Variants in PTPRG observed in about 807,000 individuals in gnomAD.
The protein encoded by PTPRG is protein tyrosine phosphatase receptor type G.
PTPRG carries 102 observed loss-of-function variants against 165.3 expected under a neutral mutation model. The observed-to-expected ratio is 0.62, with a 90% confidence interval of 0.53 to 0.73. The LOEUF (loss-of-function observed/expected upper bound fraction) is 0.73, where lower values mean the gene tolerates loss of function less well. PTPRG is among the 30% of genes least tolerant of loss of function. PTPRG has a pLI of 0.00. For missense variants in PTPRG, 1,866 were observed against 1,861.4 expected, an observed-to-expected ratio of 1.00 and a Z score of -0.05; for synonymous variants, 675 against 669.5, an observed-to-expected ratio of 1.01 and a Z score of -0.13.
chr3:61,759,178 T>C (rs1300672567), intron 2 of PTPRG, among the ~76,000 whole-genome samples: 1 of 152,216 alleles, frequency 6.6e-6, no homozygotes, highest in Admixed American at 6.5e-5. Context: ...TTTCTTGCTA[T>C]TAAAACTTAA....
At position 61,974,635 on chromosome 3, in the gene PTPRG, A is replaced by G. The variant is rs114856168; in HGVS notation, c.191-14990A>G. On this transcript the variant is annotated intron_variant, in intron 2 of 29. Transcript: ENST00000474889. Reference sequence around the variant, plus strand: ...TGACTGTCTTTAGGCAACAAAAGCAATTGCTTACTCACTTAATTTCCTTTT... The same window carrying G: ...TGACTGTCTTTAGGCAACAAAAGCAGTTGCTTACTCACTTAATTTCCTTTT... Among the ~76,000 whole-genome samples, 678 of 152,288 alleles carry G rather than the reference A, an allele frequency of 4.5e-3. 4 individuals carry two copies. Among genetic ancestry groups the G allele is most frequent in the African/African-American group, 0.015 (605 of 41,550 alleles).
At chr3:61,862,108 T>C (rs768080347) in intron 2 of PTPRG, among the ~76,000 whole-genome samples, 1 of 152,058 alleles carries the variant, frequency 6.6e-6, no homozygotes, top group Non-Finnish European at 1.5e-5. Flanking sequence ...TCCTGTCATA[T>C]CAGTGGTGGC....
chr3:62,172,988 C>G (rs562638903), intron 8 of PTPRG, among the ~76,000 whole-genome samples: 1 of 152,278 alleles, frequency 6.6e-6, no homozygotes, highest in Admixed American at 6.5e-5. Context: ...CTTTGTTGGC[C>G]ATATGGTCTC....
At chr3:62,082,620 A>G (rs1443661149) in intron 5 of PTPRG, among the ~76,000 whole-genome samples, 1 of 152,212 alleles carries the variant, frequency 6.6e-6, no homozygotes, top group African/African-American at 2.4e-5. Context: ...GTTCACATCA[A>G]CGTGATCTTA....
chr3:61,943,008 T>C (rs1359229065), intron 2 of PTPRG, among the ~76,000 whole-genome samples: 1 of 152,196 alleles, frequency 6.6e-6, no homozygotes, highest in Non-Finnish European at 1.5e-5. Context: ...CAGATCTCCT[T>C]GCCAGGTGCA....
At chr3:62,175,674 G>T (rs564459959) in intron 8 of PTPRG, among the ~76,000 whole-genome samples, 1 of 152,314 alleles carries the variant, frequency 6.6e-6, no homozygotes, top group South Asian at 2.1e-4. Flanking sequence ...TTACATTCTA[G>T]AAAGGAGAAA....
At chr3:61,755,363 G>T (rs976556759) in intron 2 of PTPRG, among the ~76,000 whole-genome samples, 1 of 152,154 alleles carries the variant, frequency 6.6e-6, no homozygotes, top group Non-Finnish European at 1.5e-5. Context: ...AATCAGCCTT[G>T]AGAGTCTTCC....
At chr3:62,167,511 G>A (rs947109630) in intron 7 of PTPRG, among the ~76,000 whole-genome samples, 5 of 152,156 alleles carry the variant, frequency 3.3e-5, no homozygotes, top group African/African-American at 1.2e-4. Context: ...ATTTTATTGA[G>A]GAAAAATGGT....
chr3:62,166,223 TTTTTTTTTTTG>T, intron 7 of PTPRG, among the ~76,000 whole-genome samples: 1 of 136,642 alleles, frequency 7.3e-6, no homozygotes, highest in East Asian at 2.1e-4. Context: ...TTTTTTTTTT[TTTTTTTTTTTG>T]GTGACAAGAA....
At chr3:62,118,466 G>A (rs1702943538) in intron 5 of PTPRG, 8 of 152,200 alleles carry the variant, frequency 5.3e-5, no homozygotes, top group Admixed American at 5.2e-4. Flanking sequence ...AACCAGTTAA[G>A]AGCAAATTCT....
chr3:61,923,903 A>G (rs1044366518), intron 2 of PTPRG, among the ~76,000 whole-genome samples: 41 of 152,010 alleles, frequency 2.7e-4, no homozygotes, highest in African/African-American at 8.9e-4. Context: ...TTAACTGTTA[A>G]TTTTATCAAG....
chr3:61,647,738 G>C (rs1236856225), intron 1 of PTPRG, among the ~76,000 whole-genome samples: 2 of 132,488 alleles, frequency 1.5e-5, no homozygotes, highest in African/African-American at 2.8e-5. Context: ...CTTGCAGTGA[G>C]CTGAGATCAC....
At chr3:61,915,093 G>C (rs1487513245) in intron 2 of PTPRG, among the ~76,000 whole-genome samples, 5 of 152,180 alleles carry the variant, frequency 3.3e-5, no homozygotes, top group Non-Finnish European at 7.3e-5. Context: ...GCCGGGCGTG[G>C]TGGTGCGTGC....
intron 2 of PTPRG, among the ~76,000 whole-genome samples, chr3:61,976,958 G>A (rs2040523220): frequency 1.3e-5 from 2 of 152,022 alleles, no homozygotes; most frequent in Non-Finnish European, 2.9e-5. Context: ...TTACAGGTGT[G>A]AGCCACCGCG....
intron 25 of PTPRG, 64 bp from the exon 26 acceptor site, chr3:62,277,487 T>C (rs1702268666): frequency 9.8e-6 from 15 of 1,534,272 alleles, no homozygotes; most frequent in Non-Finnish European, 1.3e-5. Context: ...GAATATATTT[T>C]ACTACCACAA....
At chr3:62,132,087 C>T (rs1265776573) in intron 5 of PTPRG, among the ~76,000 whole-genome samples, 1 of 152,194 alleles carries the variant, frequency 6.6e-6, no homozygotes, top group East Asian at 1.9e-4. Flanking sequence ...CTTCAAGCTT[C>T]TCTCCCCTCC....
At chr3:62,066,921 C>T (rs1009191981) in intron 4 of PTPRG, among the ~76,000 whole-genome samples, 2 of 151,550 alleles carry the variant, frequency 1.3e-5, no homozygotes, top group Non-Finnish European at 2.9e-5. Flanking sequence ...GCCTGTAATC[C>T]CAGCTACTCA....
Position 61,989,629 on chromosome 3 carries a change from C to G in PTPRG, c.195C>G (p.Ala65=). 6.2e-7 allele frequency: 1 copy of G among 1,613,206 alleles called. No individual in the cohort carries two copies. The highest frequency in any genetic ancestry group is 8.5e-7 in the Non-Finnish European group (1 of 1,179,702). ...SGDPYWAYSG[A]YGPEHWVTSS... ...AGTGTTGTCTTCTTTCAACAGGTGC[C>G]TATGGTCCTGAGCACTGGGTCACGT... is the stretch of plus-strand genomic sequence containing the variant. Residue 65 remains alanine (A), a synonymous_variant, in exon 3 of 30, where the codon GCC becomes GCG. Coordinates refer to ENST00000474889, the MANE Select transcript of PTPRG (RefSeq NM_002841.4).
At chr3:61,586,808 C>T (rs1211479432) in intron 1 of PTPRG, among the ~76,000 whole-genome samples, 1 of 152,214 alleles carries the variant, frequency 6.6e-6, no homozygotes, top group Non-Finnish European at 1.5e-5. Flanking sequence ...AATGCTAGAG[C>T]ATCATCAGAC....
Sources: allele counts gnomAD v4.1 joint callset (sites outside exome capture counted in the v4.1 genomes callset), GRCh38; gene constraint gnomAD v4.1.1; transcripts MANE v1.5; gene names NCBI Gene and HGNC (gene_info 2026-07-23, HGNC 2026-07-21).